UBE3A: variants seen among roughly 807,000 people sequenced by gnomAD.
UBE3A encodes ubiquitin-protein ligase E3A.
Under a neutral mutation model 83.4 loss-of-function variants are expected in UBE3A, and 6 were observed. The observed-to-expected ratio is 0.07, with a 90% confidence interval of 0.04 to 0.14. UBE3A has a LOEUF of 0.14. Ranked by LOEUF, UBE3A falls within the 10% of genes least tolerant of loss-of-function variation. The probability of loss-of-function intolerance (pLI) is 1.00; values close to 1 mark genes in which losing one functional copy is unlikely to be tolerated. For missense variants in UBE3A, 456 were observed against 1,036.1 expected, an observed-to-expected ratio of 0.44 and a Z score of 7.69; for synonymous variants, 337 against 355.4, an observed-to-expected ratio of 0.95 and a Z score of 0.58.
At chr15:25,346,797 A>G (rs1240905830) in intron 11 of UBE3A, 2 of 152,230 alleles carry the variant, frequency 1.3e-5, no homozygotes, top group Admixed American at 1.3e-4. Flanking sequence ...AATCTGAACA[A>G]AAGAGAGAAA....
chr15:25,339,733 G>C, intron 12 of UBE3A: 1 of 336,374 alleles, frequency 3.0e-6, no homozygotes, highest in Non-Finnish European at 5.6e-6. Context: ...TTTGATAACA[G>C]GATTCTAGCA....
rs1232175916 is a variant in UBE3A, at chr15:25,338,956, G to GT, written c.*180dup. 3 of 465,316 alleles carry GT rather than the reference G, an allele frequency of 6.4e-6. No individual in the cohort carries two copies. The highest frequency in any genetic ancestry group is 4.1e-5 in the African/African-American group (2 of 49,322). 28.8% of individuals were successfully genotyped at this position (465,316 alleles called of 1,614,324 possible). ...TGAAATCTGCTGTTCCAGCCCACAT[G>GT]TCCCCAATAAAGAAGGGAGGCACAG... On this transcript the variant is annotated 3_prime_UTR_variant, in exon 13 of 13. Transcript: ENST00000648336.
chr15:25,334,497 A>G lies in UBE3A; in HGVS notation c.*4640T>C, dbSNP rs2073865500. 1 of 152,120 alleles carries G rather than the reference A, an allele frequency of 6.6e-6. No individual in the cohort carries two copies. The highest frequency in any genetic ancestry group is 1.5e-5 in the Non-Finnish European group (1 of 68,026). The allele number at this position is 152,120 out of a possible 1,614,324, so 9.4% of individuals were successfully genotyped here. ...ATTTCTCAAATTTATCTACCAATTC[A>G]ACTAAATCCCTATCAAGATCCCAGC... On this transcript the variant is annotated 3_prime_UTR_variant, in exon 13 of 13. Transcript: ENST00000648336.
chr15:25,343,582 A>AATAAAC (rs2075221531), intron 11 of UBE3A, among the ~76,000 whole-genome samples: 1 of 152,168 alleles, frequency 6.6e-6, no homozygotes, highest in East Asian at 1.9e-4. Context: ...AAATGAATAA[A>AATAAAC]ATAAACATAA....
rs2073910963 is a variant in UBE3A, at chr15:25,335,296, GA to G, written c.*3840del. 6.6e-6 allele frequency: 1 copy of G among 152,280 alleles called. No homozygotes were observed. The highest frequency in any genetic ancestry group is 1.5e-5 in the Non-Finnish European group (1 of 68,074). 9.4% of individuals were successfully genotyped at this position (152,280 alleles called of 1,614,324 possible). On this transcript the variant is annotated 3_prime_UTR_variant, in exon 13 of 13. Transcript: ENST00000648336. ...GTATTTGAGAAATATGACAAGTGAAGATGCTGGGTAGGAATGCAGCGAGGAA... is the reference window on the plus strand; with the variant it reads ...GTATTTGAGAAATATGACAAGTGAAGTGCTGGGTAGGAATGCAGCGAGGAA...
intron 11 of UBE3A, among the ~76,000 whole-genome samples, chr15:25,350,410 A>T (rs975921430): frequency 1.3e-5 from 2 of 152,130 alleles, no homozygotes; most frequent in Non-Finnish European, 1.5e-5. Context: ...TACTTAATAA[A>T]TATTTTTGGA....
Position 25,370,814 on chromosome 15 carries a change from C to T in UBE3A, c.1360G>A (p.Val454Ile). 2 of 1,614,028 alleles carry T rather than the reference C, an allele frequency of 1.2e-6. No individual in the cohort carries two copies. The highest frequency in any genetic ancestry group is 1.1e-5 in the South Asian group (1 of 91,060). ...GTATAATCTTTATCCATTTCTAGAA[C>T]CTCATTCAGTGGTTCATTAATAAAC... is the stretch of plus-strand genomic sequence containing the variant. ...EEFINEPLNEVLEMDKDYTFF... is the reference protein window; with the variant it reads ...EEFINEPLNEILEMDKDYTFF... Residue 454 changes from valine (V) to isoleucine (I), a missense_variant, in exon 6 of 13, where the codon GTT becomes ATT. Val to Ile is a conservative substitution (Grantham distance 29). This residue lies in a region of UBE3A where 58 missense variants were observed against 237.1 expected (regional missense o/e 0.24). Transcript: ENST00000648336. The surrounding 1 kb of genome is among the most constrained non-coding windows in gnomAD (Gnocchi z 4.2).
chr15:25,338,946 C>A lies in UBE3A; in HGVS notation c.*191G>T, dbSNP rs546303864. The A allele has an allele frequency of 5.3e-5, 22 of 414,642 alleles. No homozygotes were observed. The highest frequency in any genetic ancestry group is 4.3e-4 in the African/African-American group (21 of 48,310). The allele number at this position is 414,642 out of a possible 1,614,324, so 25.7% of individuals were successfully genotyped here. A position where few individuals can be genotyped will look rare whatever the true frequency, so the allele number is the denominator to read the frequency against. On this transcript the variant is annotated 3_prime_UTR_variant, in exon 13 of 13. Transcript: ENST00000648336. The stretch of plus-strand genomic sequence containing the variant: ...TATATGTAGCTGAAATCTGCTGTTC[C>A]AGCCCACATGTCCCCAATAAAGAAG...
chr15:25,381,532 G>T (rs1169581569), intron 4 of UBE3A, among the ~76,000 whole-genome samples: 6 of 152,192 alleles, frequency 3.9e-5, no homozygotes, highest in South Asian at 2.1e-4. Context: ...ACTGTAAGTA[G>T]AGTGACCTTT....
intron 3 of UBE3A, among the ~76,000 whole-genome samples, 191 bp downstream of exon 3, chr15:25,408,897 T>C (rs1206940384): frequency 4.6e-5 from 7 of 152,218 alleles, no homozygotes; most frequent in African/African-American, 1.7e-4. Flanking sequence ...TCTTTGATAG[T>C]GGCTACTGAT....
intron 1 of UBE3A, chr15:25,421,860 T>C (rs1307941601): frequency 6.6e-6 from 1 of 152,154 alleles, no homozygotes; most frequent in Non-Finnish European, 1.5e-5. Flanking sequence ...ATGATGGGAA[T>C]GTAAAGTAGT....
intron 1 of UBE3A, among the ~76,000 whole-genome samples, chr15:25,428,588 T>C (rs1892110655): frequency 6.6e-6 from 1 of 152,224 alleles, no homozygotes; most frequent in South Asian, 2.1e-4. Flanking sequence ...TGTACGATAG[T>C]GTGCCTTTCC....
chr15:25,437,429 T>A (rs1318357258), intron 1 of UBE3A, among the ~76,000 whole-genome samples: 1 of 152,198 alleles, frequency 6.6e-6, no homozygotes, highest in Non-Finnish European at 1.5e-5. Flanking sequence ...AACAGTTGTA[T>A]TTCTTAAACT....
At position 25,355,855 on chromosome 15, in the gene UBE3A, A is replaced by G. The variant is rs377164877; in HGVS notation, c.2124+37T>C. 7.3e-5 allele frequency: 116 copies of G among 1,584,174 alleles called. No individual in the cohort carries two copies. In the African/African-American group the frequency reaches 1.5e-3, roughly 20 times the overall value. Reference sequence around the variant, plus strand: ...AAGCATACATGCTTTGAAAGTGTTAATGAAGAGACAAAATGTGACATAAAA... The same window carrying G: ...AAGCATACATGCTTTGAAAGTGTTAGTGAAGAGACAAAATGTGACATAAAA... On this transcript the variant is annotated intron_variant, in intron 9 of 12. Transcript: ENST00000648336.
chr15:25,351,434 A>G (rs779492712), intron 11 of UBE3A, among the ~76,000 whole-genome samples: 1 of 152,158 alleles, frequency 6.6e-6, no homozygotes, highest in Non-Finnish European at 1.5e-5. Flanking sequence ...ACAAACCAAC[A>G]TCTATGAAGT....
chr15:25,387,741 A>G (rs8024771), intron 4 of UBE3A, among the ~76,000 whole-genome samples: 18,128 of 152,204 alleles, frequency 0.12, 1,158 homozygotes, highest in Middle Eastern at 0.23. Context: ...GGCTAAGAAA[A>G]AGAGACAAAG....
chr15:25,411,137 T>C (rs963936001), intron 2 of UBE3A, among the ~76,000 whole-genome samples: 1 of 152,224 alleles, frequency 6.6e-6, no homozygotes, highest in Non-Finnish European at 1.5e-5. Flanking sequence ...ATGTCTCTGT[T>C]TGGTCATTCA....
At position 25,334,009 on chromosome 15, in the gene UBE3A, A is replaced by C. The variant is rs2073844546; in HGVS notation, c.*5128T>G. 1 of 152,140 alleles carries C rather than the reference A, an allele frequency of 6.6e-6. No individual in the cohort carries two copies. The highest frequency in any genetic ancestry group is 1.5e-5 in the Non-Finnish European group (1 of 68,026). 9.4% of individuals were successfully genotyped at this position (152,140 alleles called of 1,614,324 possible). On this transcript the variant is annotated 3_prime_UTR_variant, in exon 13 of 13. Coordinates refer to ENST00000648336, the MANE Select transcript of UBE3A (RefSeq NM_130839.5). Reference sequence around the variant, plus strand: ...CATCATACTCAATGGTGAAAGACTGAATGCTTTCCCCTTAAAATCAGGAAC... The same window carrying C: ...CATCATACTCAATGGTGAAAGACTGCATGCTTTCCCCTTAAAATCAGGAAC...
intron 4 of UBE3A, among the ~76,000 whole-genome samples, chr15:25,404,701 G>C (rs546109861): frequency 1.1e-3 from 170 of 152,188 alleles, no homozygotes; most frequent in Non-Finnish European, 1.9e-3. Flanking sequence ...TACCTACTGA[G>C]CAAATTCTTT....
Sources: gnomAD v4.1 joint callset for allele counts (sites outside exome capture counted in the v4.1 genomes callset) on GRCh38, gnomAD v4.1.1 for gene constraint, gnomAD v4.1.1 regional missense constraint, Gnocchi (gnomAD v3.1) non-coding constraint, MANE v1.5 for transcripts, NCBI Gene and HGNC (gene_info 2026-07-23, HGNC 2026-07-21) for gene names.